The following TMEM45A variants were observed in gnomAD, a reference collection of about 807,000 sequenced individuals.
The protein encoded by TMEM45A is transmembrane protein 45A.
Under a neutral mutation model 32.0 loss-of-function variants are expected in TMEM45A, and 25 were observed. The ratio of observed to expected loss-of-function variants is 0.78; its 90% CI spans 0.57 to 1.09. TMEM45A has a LOEUF of 1.09. Among genes scored for constraint, TMEM45A ranks in the 50% least tolerant of loss-of-function variants. The pLI, the probability that TMEM45A is intolerant of heterozygous loss-of-function variation, is 0.00. For missense variants in TMEM45A, 302 were observed against 325.0 expected (o/e 0.93, Z 0.54); for synonymous variants, 122 against 114.8 (o/e 1.06, Z -0.40).
In TMEM45A at chr3:100,558,470, G is replaced by A. The variant is rs1246962273; in HGVS notation, c.469G>A (p.Val157Ile). 1 of 1,614,108 alleles carries A rather than the reference G, an allele frequency of 6.2e-7. No individual in the cohort carries two copies. Among genetic ancestry groups the A allele is most frequent in the East Asian group, 2.2e-5 (1 of 44,884 alleles). ...MLDIFVHQLL[V>I]LVVFLTGLVA... ...GGACATCTTTGTGCACCAGCTGCTG[G>A]TTTTGGTCGTCTTTCTGACAGGCCT... Residue 157 changes from valine (V) to isoleucine (I), a missense_variant, in exon 4 of 6, where the codon GTT becomes ATT. By Grantham distance (29) the Val-to-Ile change is conservative. Coordinates refer to ENST00000323523, the MANE Select transcript of TMEM45A (RefSeq NM_018004.3).
intron 1 of TMEM45A, among the ~76,000 whole-genome samples, chr3:100,549,981 G>A (rs1706059392): frequency 1.4e-5 from 2 of 145,766 alleles, no homozygotes; most frequent in Admixed American, 7.0e-5. Flanking sequence ...TTGGACATTT[G>A]GGTTGGTTCC....
At chr3:100,567,069 A>G (rs1370001684) in intron 4 of TMEM45A, among the ~76,000 whole-genome samples, 1 of 152,012 alleles carries the variant, frequency 6.6e-6, no homozygotes, top group Non-Finnish European at 1.5e-5. Context: ...ATTTCAAGTG[A>G]TGAAGATTTC....
At chr3:100,550,249 C>T (rs1706068925) in intron 1 of TMEM45A, among the ~76,000 whole-genome samples, 1 of 149,718 alleles carries the variant, frequency 6.7e-6, no homozygotes, top group African/African-American at 2.5e-5. Context: ...TTGAGTTGGA[C>T]TTGACATTGA....
chr3:100,509,117 A>G (rs530865515), intron 1 of TMEM45A, among the ~76,000 whole-genome samples: 58 of 152,226 alleles, frequency 3.8e-4, no homozygotes, highest in African/African-American at 1.3e-3. Context: ...AACTTAACAG[A>G]AAAAAAATCC....
In TMEM45A at chr3:100,507,363, T is replaced by G. The variant is rs1368379671; in HGVS notation, c.-4+14435T>G. On this transcript the variant is annotated intron_variant, in intron 1 of 5. Coordinates refer to ENST00000323523, the MANE Select transcript of TMEM45A (RefSeq NM_018004.3). The stretch of plus-strand genomic sequence containing the variant: ...TGGCTGCTGGAAAACACTAAGTTTC[T>G]TAAAATATTGTAGCCCAGATGAATT... 2.0e-5 allele frequency among the ~76,000 whole-genome samples: 3 copies of G among 152,240 alleles called. 1 individual carries two copies. Among genetic ancestry groups the G allele is most frequent in the Admixed American group, 2.0e-4 (3 of 15,274 alleles).
intron 1 of TMEM45A, among the ~76,000 whole-genome samples, chr3:100,540,490 A>G (rs1705847620): frequency 6.6e-6 from 1 of 152,220 alleles, no homozygotes; most frequent in Admixed American, 6.5e-5. Context: ...ACAGTGAGAT[A>G]CTACTATACA....
intron 4 of TMEM45A, among the ~76,000 whole-genome samples, chr3:100,559,365 A>T (rs769901562): frequency 3.9e-5 from 6 of 152,192 alleles, no homozygotes; most frequent in Admixed American, 3.9e-4. Context: ...GTTATTTTAG[A>T]GATTTGTATT....
intron 1 of TMEM45A, among the ~76,000 whole-genome samples, chr3:100,514,834 C>G (rs1257336502): frequency 1.3e-5 from 2 of 149,786 alleles, no homozygotes; most frequent in Non-Finnish European, 3.0e-5. Flanking sequence ...ACAGACACTT[C>G]TCAAAAGAAG....
At chr3:100,545,021 G>A (rs1301137306) in intron 1 of TMEM45A, among the ~76,000 whole-genome samples, 1 of 152,160 alleles carries the variant, frequency 6.6e-6, no homozygotes, top group Non-Finnish European at 1.5e-5. Flanking sequence ...TTAAAATTTA[G>A]CCATTCTAGT....
intron 1 of TMEM45A, among the ~76,000 whole-genome samples, chr3:100,514,205 A>G (rs1708220067): frequency 1.3e-5 from 2 of 152,194 alleles, no homozygotes; most frequent in African/African-American, 4.8e-5. Context: ...TGGAGGCATC[A>G]TGCTACCTGA....
intron 1 of TMEM45A, among the ~76,000 whole-genome samples, chr3:100,532,506 C>T (rs116693903): frequency 1.7e-3 from 265 of 152,280 alleles, no homozygotes; most frequent in Non-Finnish European, 3.2e-3. Context: ...ATATGCCATT[C>T]GTTGAGTAAC....
intron 1 of TMEM45A, among the ~76,000 whole-genome samples, chr3:100,527,854 T>C (rs143564128): frequency 5.9e-5 from 9 of 152,282 alleles, no homozygotes; most frequent in African/African-American, 2.2e-4. Flanking sequence ...GATGTTCAAA[T>C]AGAGATTTGA....
chr3:100,564,228 C>T (rs965338212), intron 4 of TMEM45A, among the ~76,000 whole-genome samples: 1 of 152,142 alleles, frequency 6.6e-6, no homozygotes, highest in Non-Finnish European at 1.5e-5. Flanking sequence ...CATTGGTTGA[C>T]AAATAAAATG....
intron 1 of TMEM45A, among the ~76,000 whole-genome samples, chr3:100,550,304 C>T (rs1301979300): frequency 6.6e-6 from 1 of 151,634 alleles, no homozygotes; most frequent in Non-Finnish European, 1.5e-5. Context: ...TCATTCAAAA[C>T]CAATGAAATT....
intron 1 of TMEM45A, among the ~76,000 whole-genome samples, chr3:100,550,211 A>AAAAAAAAAG (rs1706067672): frequency 1.5e-5 from 1 of 65,024 alleles, no homozygotes; most frequent in Non-Finnish European, 4.1e-5. Flanking sequence ...AAAAAAAGAA[A>AAAAAAAAAG]AAAAAATAAA....
At chr3:100,571,026 G>A (rs1475293533) in intron 5 of TMEM45A, 2 of 151,764 alleles carry the variant, frequency 1.3e-5, no homozygotes, top group African/African-American at 4.8e-5. Flanking sequence ...TGGGTAAAAT[G>A]TAGCAACTAT....
intron 1 of TMEM45A, among the ~76,000 whole-genome samples, chr3:100,526,851 T>C (rs1705554768): frequency 6.6e-6 from 1 of 152,160 alleles, no homozygotes; most frequent in Non-Finnish European, 1.5e-5. Context: ...TTAGGAAGCT[T>C]TAAGTAGAAG....
intron 1 of TMEM45A, among the ~76,000 whole-genome samples, chr3:100,541,452 A>G (rs1484896203): frequency 6.6e-6 from 1 of 150,944 alleles, no homozygotes; most frequent in African/African-American, 2.4e-5. Flanking sequence ...GGATTCTTAT[A>G]GTTTAAGGTC....
intron 1 of TMEM45A, among the ~76,000 whole-genome samples, chr3:100,543,112 A>G (rs1705919428): frequency 6.6e-6 from 1 of 152,204 alleles, no homozygotes; most frequent in Non-Finnish European, 1.5e-5. Flanking sequence ...TGCAATTTGC[A>G]TTTCTCACTG....
Sources: gnomAD v4.1 joint callset for allele counts (sites outside exome capture counted in the v4.1 genomes callset) on GRCh38, gnomAD v4.1.1 for gene constraint, MANE v1.5 for transcripts, NCBI Gene and HGNC (gene_info 2026-07-23, HGNC 2026-07-21) for gene names.